ROBO2: variants seen among roughly 807,000 people sequenced by gnomAD.
The protein encoded by ROBO2 is roundabout guidance receptor 2.
In ROBO2, 53 loss-of-function variants were observed where a neutral mutation model predicts 160.8. The ratio of observed to expected loss-of-function variants is 0.33; its 90% CI spans 0.26 to 0.41. The LOEUF (loss-of-function observed/expected upper bound fraction) is 0.41, where lower values mean the gene tolerates loss of function less well. ROBO2 is among the 10% of genes least tolerant of loss of function. The pLI is 1.00. For synonymous variants in ROBO2, 664 were observed against 611.7 expected (o/e 1.09, Z -1.26); for missense variants, 1,577 against 1,722.4 (o/e 0.92, Z 1.49).
chr3:77,152,512 G>A (rs988075596), intron 2 of ROBO2, among the ~76,000 whole-genome samples: 3 of 152,190 alleles, frequency 2.0e-5, no homozygotes, highest in Non-Finnish European at 4.4e-5. Flanking sequence ...ATACTGGATA[G>A]TGCCACTCTA....
At chr3:76,313,211 C>T (rs200555484) in intron 2 of ROBO2, among the ~76,000 whole-genome samples, 1 of 152,324 alleles carries the variant, frequency 6.6e-6, no homozygotes, top group East Asian at 1.9e-4. Flanking sequence ...TTTAGTGCCT[C>T]TGTTTGTTAC....
intron 2 of ROBO2, among the ~76,000 whole-genome samples, chr3:76,629,274 T>G (rs973234687): frequency 6.6e-6 from 1 of 152,228 alleles, no homozygotes; most frequent in Non-Finnish European, 1.5e-5. Context: ...TTCTTTATTG[T>G]GTACAACTAA....
At chr3:77,559,445 G>C (rs976063614) in intron 9 of ROBO2, among the ~76,000 whole-genome samples, 2 of 152,016 alleles carry the variant, frequency 1.3e-5, no homozygotes, top group African/African-American at 4.8e-5. Context: ...CACAAGATTG[G>C]GGATGAGACC....
intron 2 of ROBO2, among the ~76,000 whole-genome samples, chr3:76,346,185 G>T (rs1205950173): frequency 6.6e-6 from 1 of 151,780 alleles, no homozygotes; most frequent in Non-Finnish European, 1.5e-5. Context: ...AATAATCTCT[G>T]AGGAAAGGAA....
At chr3:77,554,974 T>G (rs1408455140) in intron 8 of ROBO2, among the ~76,000 whole-genome samples, 1 of 151,928 alleles carries the variant, frequency 6.6e-6, no homozygotes, top group Non-Finnish European at 1.5e-5. Flanking sequence ...AAAGGAATAG[T>G]GAATCAATAT....
intron 2 of ROBO2, among the ~76,000 whole-genome samples, chr3:76,910,440 A>T (rs1177180690): frequency 6.6e-6 from 1 of 152,018 alleles, no homozygotes; most frequent in Admixed American, 6.6e-5. Flanking sequence ...AATCATATAC[A>T]TTGTTGGCCG....
chr3:76,888,030 A>G (rs1052212671), intron 2 of ROBO2, among the ~76,000 whole-genome samples: 5 of 152,208 alleles, frequency 3.3e-5, no homozygotes, highest in African/African-American at 7.2e-5. Flanking sequence ...AATAGCACTG[A>G]TAATGGATAG....
chr3:77,190,108 T>C (rs2081688202), intron 2 of ROBO2, among the ~76,000 whole-genome samples: 1 of 151,984 alleles, frequency 6.6e-6, no homozygotes. Context: ...TTTGTTCTTC[T>C]GTAGTAATAT....
At chr3:75,924,936 C>T (rs895324837) in intron 1 of ROBO2, among the ~76,000 whole-genome samples, 2 of 151,792 alleles carry the variant, frequency 1.3e-5, no homozygotes, top group Non-Finnish European at 2.9e-5. Flanking sequence ...GATCCGCCCG[C>T]CTCGGCCTCC....
rs142882019 is a variant in ROBO2, at chr3:76,596,995, A to T, written c.110-501019A>T. Reference sequence around the variant, plus strand: ...TCAGTGGGATAAAAATATTTATACTAAAACTTACATCAAATCATCTTAGCC... The same window carrying T: ...TCAGTGGGATAAAAATATTTATACTTAAACTTACATCAAATCATCTTAGCC... On this transcript the variant is annotated intron_variant, in intron 2 of 26. Transcript: ENST00000487694. 7.1e-3 allele frequency among the ~76,000 whole-genome samples: 1,084 copies of T among 152,250 alleles called. 10 individuals are homozygous for T. Among genetic ancestry groups the T allele is most frequent in the African/African-American group, 0.025 (1,042 of 41,548 alleles).
At chr3:77,442,287 G>C (rs2080020442) in intron 2 of ROBO2, among the ~76,000 whole-genome samples, 2 of 151,874 alleles carry the variant, frequency 1.3e-5, no homozygotes, top group African/African-American at 4.8e-5. Context: ...ACTCCAGCCT[G>C]GGCGACAGAG....
chr3:77,124,404 G>T (rs983593675), intron 2 of ROBO2, among the ~76,000 whole-genome samples: 1 of 152,086 alleles, frequency 6.6e-6, no homozygotes, highest in South Asian at 2.1e-4. Context: ...TAGGAGTAGA[G>T]TTTATATTAC....
chr3:76,349,986 A>G (rs757416602), intron 2 of ROBO2, among the ~76,000 whole-genome samples: 8 of 152,012 alleles, frequency 5.3e-5, no homozygotes, highest in African/African-American at 1.4e-4. Flanking sequence ...GGGAGAGACT[A>G]TTTCTGTTTT....
At chr3:76,156,339 A>G (rs1024198679) in intron 2 of ROBO2, among the ~76,000 whole-genome samples, 16 of 152,200 alleles carry the variant, frequency 1.1e-4, no homozygotes, top group Non-Finnish European at 1.9e-4. Context: ...TCTAGCCTAC[A>G]CATTAAAGTT....
intron 13 of ROBO2, 96 bp downstream of exon 14, chr3:77,568,530 C>T: frequency 2.8e-6 from 4 of 1,446,484 alleles, no homozygotes; most frequent in South Asian, 1.2e-5. Context: ...AATAAAAATT[C>T]CCGCCATTTA....
At chr3:76,704,605 T>C (rs2093119984) in intron 2 of ROBO2, among the ~76,000 whole-genome samples, 1 of 152,140 alleles carries the variant, frequency 6.6e-6, no homozygotes, top group Non-Finnish European at 1.5e-5. Flanking sequence ...TATGCCTTCC[T>C]TTACTTCCTT....
intron 2 of ROBO2, among the ~76,000 whole-genome samples, chr3:77,129,559 G>A (rs1468036357): frequency 1.3e-5 from 2 of 152,194 alleles, no homozygotes; most frequent in Non-Finnish European, 2.9e-5. Flanking sequence ...GTGATAGTCG[G>A]TTGGCGAGAG....
At chr3:76,691,279 G>A (rs971568496) in intron 2 of ROBO2, among the ~76,000 whole-genome samples, 10 of 152,030 alleles carry the variant, frequency 6.6e-5, no homozygotes, top group Non-Finnish European at 2.9e-5. Flanking sequence ...CAGCAAGAAG[G>A]CCCTCACAAG....
intron 2 of ROBO2, among the ~76,000 whole-genome samples, chr3:75,952,038 G>A (rs779071161): frequency 1.3e-5 from 2 of 151,924 alleles, no homozygotes; most frequent in South Asian, 2.1e-4. Context: ...AACTGCCAAG[G>A]ACAGCAAATC....
Sources: gnomAD v4.1 joint callset for allele counts (sites outside exome capture counted in the v4.1 genomes callset) on GRCh38, gnomAD v4.1.1 for gene constraint, MANE v1.5 for transcripts, NCBI Gene and HGNC (gene_info 2026-07-23, HGNC 2026-07-21) for gene names.